FBXL17: variants seen among roughly 807,000 people sequenced by gnomAD.
FBXL17 encodes F-box and leucine rich repeat protein 17.
A neutral mutation model predicts 66.2 loss-of-function variants in FBXL17; 22 were observed. The ratio of observed to expected loss-of-function variants is 0.33; its 90% CI spans 0.24 to 0.47. The LOEUF (loss-of-function observed/expected upper bound fraction) is 0.47. Among genes scored for constraint, FBXL17 ranks in the 20% least tolerant of loss-of-function variants. The pLI is 1.00. For missense variants in FBXL17, 878 were observed against 948.2 expected (o/e 0.93, Z 0.97); for synonymous variants, 474 against 400.5 (o/e 1.18, Z -2.19).
At chr5:108,283,202 T>C (rs976371275) in intron 4 of FBXL17, among the ~76,000 whole-genome samples, 8 of 151,810 alleles carry the variant, frequency 5.3e-5, no homozygotes, top group African/African-American at 1.9e-4. Context: ...AAAGCAATCT[T>C]GAACAAAAAG....
At chr5:107,985,475 T>C (rs1007636998) in intron 7 of FBXL17, among the ~76,000 whole-genome samples, 2 of 151,610 alleles carry the variant, frequency 1.3e-5, no homozygotes, top group African/African-American at 2.4e-5. Context: ...TGCTGAAAGC[T>C]TGTCAGAGTT....
At chr5:107,918,654 G>T (rs1240285163) in intron 7 of FBXL17, among the ~76,000 whole-genome samples, 2 of 152,068 alleles carry the variant, frequency 1.3e-5, no homozygotes, top group Non-Finnish European at 1.5e-5. Flanking sequence ...ATCAATATCA[G>T]TATCTGTATT....
At chr5:108,243,193 T>C (rs1755938814) in intron 4 of FBXL17, among the ~76,000 whole-genome samples, 1 of 152,210 alleles carries the variant, frequency 6.6e-6, no homozygotes. Context: ...CTACAACTAA[T>C]GACACAGAGA....
At chr5:108,323,006 G>A (rs1285189666) in intron 4 of FBXL17, among the ~76,000 whole-genome samples, 1 of 151,804 alleles carries the variant, frequency 6.6e-6, no homozygotes, top group Non-Finnish European at 1.5e-5. Flanking sequence ...CATATTCAAT[G>A]GTGAAAGACT....
chr5:108,128,661 C>G (rs1013287796), intron 6 of FBXL17, among the ~76,000 whole-genome samples: 5 of 152,016 alleles, frequency 3.3e-5, no homozygotes, highest in African/African-American at 1.2e-4. Context: ...CAACAAGAGT[C>G]TACAAAACAC....
At chr5:107,877,690 G>T (rs1748654378) in intron 8 of FBXL17, among the ~76,000 whole-genome samples, 1 of 151,938 alleles carries the variant, frequency 6.6e-6, no homozygotes, top group African/African-American at 2.4e-5. Context: ...CACCATTCCT[G>T]ACCAAGGGGT....
At chr5:108,225,922 T>C (rs1354229198) in intron 4 of FBXL17, among the ~76,000 whole-genome samples, 1 of 152,198 alleles carries the variant, frequency 6.6e-6, no homozygotes, top group East Asian at 1.9e-4. Flanking sequence ...ATCATGGCTT[T>C]CCTCCTTCCT....
intron 5 of FBXL17, among the ~76,000 whole-genome samples, chr5:108,219,867 AAT>A (rs1482302200): frequency 1.4e-5 from 2 of 144,448 alleles, no homozygotes; most frequent in African/African-American, 5.2e-5. Flanking sequence ...TGGTTTCATT[AAT>A]TTCCTCTCTT....
At chr5:108,007,107 T>G (rs1753956716) in intron 7 of FBXL17, among the ~76,000 whole-genome samples, 1 of 152,196 alleles carries the variant, frequency 6.6e-6, no homozygotes, top group African/African-American at 2.4e-5. Flanking sequence ...ATTTAAAATT[T>G]TAAGGTTTTA....
At chr5:107,871,069 A>AAAAACAAAAAAC (rs1554080843) in intron 8 of FBXL17, among the ~76,000 whole-genome samples, 16 of 130,174 alleles carry the variant, frequency 1.2e-4, no homozygotes, top group African/African-American at 4.5e-4. Context: ...AAAAAAAAAA[A>AAAAACAAAAAAC]AAAAAAAAAA....
chr5:108,062,849 A>G (rs1393995555), intron 6 of FBXL17, among the ~76,000 whole-genome samples: 1 of 152,164 alleles, frequency 6.6e-6, no homozygotes, highest in Non-Finnish European at 1.5e-5. Flanking sequence ...CAGATTTCCA[A>G]AGCAGAGAGC....
chr5:108,303,392 A>G (rs1197166815), intron 4 of FBXL17, among the ~76,000 whole-genome samples: 2 of 146,562 alleles, frequency 1.4e-5, no homozygotes, highest in African/African-American at 4.9e-5. Flanking sequence ...ACACACACAC[A>G]CACATACCCA....
intron 7 of FBXL17, among the ~76,000 whole-genome samples, chr5:107,979,015 C>G (rs1752698590): frequency 6.6e-6 from 1 of 152,138 alleles, no homozygotes; most frequent in East Asian, 1.9e-4. Flanking sequence ...AAGTTAACTT[C>G]TATCTCAGTT....
At chr5:108,149,460 C>A (rs12515105) in intron 6 of FBXL17, among the ~76,000 whole-genome samples, 65,557 of 152,002 alleles carry the variant, frequency 0.43, 15,978 homozygotes, top group Admixed American at 0.56. Context: ...CTAAGTAGAT[C>A]TCACATTTAA....
intron 7 of FBXL17, among the ~76,000 whole-genome samples, chr5:107,906,103 C>G (rs537557360): frequency 7.3e-5 from 11 of 151,442 alleles, no homozygotes; most frequent in Non-Finnish European, 1.5e-4. Context: ...GGTTAAATTC[C>G]CTGGATCCAA....
chr5:108,091,827 G>A (rs769083536), intron 6 of FBXL17, among the ~76,000 whole-genome samples: 14 of 152,076 alleles, frequency 9.2e-5, no homozygotes, highest in Admixed American at 1.3e-4. Flanking sequence ...TGAAACTGAG[G>A]TACACGTAAG....
At chr5:108,141,767 G>A (rs911854682) in intron 6 of FBXL17, among the ~76,000 whole-genome samples, 12 of 152,170 alleles carry the variant, frequency 7.9e-5, no homozygotes, top group African/African-American at 2.9e-4. Flanking sequence ...TCAGATTCTA[G>A]CAATCAGACT....
chr5:108,271,912 A>G (rs1224541617), intron 4 of FBXL17, among the ~76,000 whole-genome samples: 2 of 152,166 alleles, frequency 1.3e-5, no homozygotes, highest in African/African-American at 4.8e-5. Flanking sequence ...GGCTATTACC[A>G]GGGCAACAGG....
chr5:107,878,483 G>A (rs1329411534), intron 8 of FBXL17: 2 of 670,370 alleles, frequency 3.0e-6, no homozygotes, highest in Non-Finnish European at 3.7e-6. Flanking sequence ...GCAAACGAGG[G>A]AACAGGCACT....
Sources: gnomAD v4.1 joint callset for allele counts (sites outside exome capture counted in the v4.1 genomes callset) on GRCh38, gnomAD v4.1.1 for gene constraint, MANE v1.5 for transcripts, NCBI Gene and HGNC (gene_info 2026-07-23, HGNC 2026-07-21) for gene names.